KPNA3: variants seen among roughly 807,000 people sequenced by gnomAD.
KPNA3 encodes the protein importin subunit alpha-4.
In KPNA3, 13 loss-of-function variants were observed where a neutral mutation model predicts 73.8. That is an observed-to-expected ratio of 0.18 (90% confidence interval 0.11 to 0.28). KPNA3 has a LOEUF of 0.28. Ranked by LOEUF, KPNA3 falls within the 10% of genes least tolerant of loss-of-function variation. KPNA3 has a pLI of 1.00. For missense variants in KPNA3, 360 were observed against 618.1 expected, an observed-to-expected ratio of 0.58 and a Z score of 4.43; for synonymous variants, 186 against 206.9, an observed-to-expected ratio of 0.90 and a Z score of 0.87.
intron 1 of KPNA3, among the ~76,000 whole-genome samples, chr13:49,760,607 C>T (rs1002740775): frequency 6.6e-6 from 1 of 152,090 alleles, no homozygotes; most frequent in African/African-American, 2.4e-5. Flanking sequence ...CAGGTGTCAA[C>T]CTGACTGGAT....
chr13:49,765,762 T>C (rs1954803240), intron 1 of KPNA3, among the ~76,000 whole-genome samples: 1 of 152,240 alleles, frequency 6.6e-6, no homozygotes, highest in Non-Finnish European at 1.5e-5. Context: ...TTGAAAATGC[T>C]GACATAAAAT....
intron 2 of KPNA3, among the ~76,000 whole-genome samples, chr13:49,745,450 C>G (rs1954608759): frequency 6.6e-6 from 1 of 150,554 alleles, no homozygotes; most frequent in Non-Finnish European, 1.5e-5. Context: ...GCCCCTGCCT[C>G]CAGGGTTCAA....
chr13:49,755,234 T>G (rs1004694219), intron 1 of KPNA3, among the ~76,000 whole-genome samples: 1 of 152,130 alleles, frequency 6.6e-6, no homozygotes, highest in Non-Finnish European at 1.5e-5. Context: ...ACCATACTAA[T>G]AGACTAATGA....
intron 10 of KPNA3, among the ~76,000 whole-genome samples, chr13:49,714,324 C>T (rs774502390): frequency 5.3e-4 from 81 of 151,786 alleles, no homozygotes; most frequent in Non-Finnish European, 1.1e-3. Flanking sequence ...AGAAAAAGTC[C>T]TACCTAACTT....
At chr13:49,739,054 T>C (rs910036277) in intron 2 of KPNA3, among the ~76,000 whole-genome samples, 3 of 152,332 alleles carry the variant, frequency 2.0e-5, no homozygotes, top group Admixed American at 2.0e-4. Context: ...CATATTTTTC[T>C]TTTTTGGCTT....
chr13:49,711,495 C>T (rs1954260201), intron 10 of KPNA3, among the ~76,000 whole-genome samples: 1 of 152,122 alleles, frequency 6.6e-6, no homozygotes, highest in South Asian at 2.1e-4. Flanking sequence ...CTAAAGTAAA[C>T]CAATAAAAGA....
At chr13:49,741,458 T>C (rs1954573355) in intron 2 of KPNA3, among the ~76,000 whole-genome samples, 1 of 141,062 alleles carries the variant, frequency 7.1e-6, no homozygotes. Flanking sequence ...CTTTTGCCCT[T>C]TTTTTTTTTT....
At chr13:49,745,039 T>C (rs1378803948) in intron 2 of KPNA3, among the ~76,000 whole-genome samples, 1 of 152,192 alleles carries the variant, frequency 6.6e-6, no homozygotes, top group East Asian at 1.9e-4. Context: ...CCACAATTTG[T>C]AAGGATATAT....
Position 49,771,322 on chromosome 13 carries a change from T to G in KPNA3, c.69+21116A>C, listed in dbSNP as rs1468109810. On this transcript the variant is annotated intron_variant, in intron 1 of 16. Transcript: ENST00000261667. ...CCATTTACTTAGATCTTTCTTTCAA[T>G]GAAGTTGTAGTTTTCAGCATACAAG... 6.6e-5 allele frequency among the ~76,000 whole-genome samples: 10 copies of G among 152,192 alleles called. No homozygotes were observed. The South Asian group carries it at 1.4e-3, about 22-fold the overall frequency.
intron 1 of KPNA3, among the ~76,000 whole-genome samples, chr13:49,771,135 AGAAGAG>A (rs1954852015): frequency 6.7e-6 from 1 of 149,284 alleles, no homozygotes; most frequent in South Asian, 2.1e-4. Flanking sequence ...AAAAAAAAAA[AGAAGAG>A]GAAGAGAAAA....
intron 2 of KPNA3, among the ~76,000 whole-genome samples, chr13:49,737,585 G>A (rs534307952): frequency 6.7e-6 from 1 of 149,932 alleles, no homozygotes; most frequent in Non-Finnish European, 1.5e-5. Context: ...GTGTGTGTGT[G>A]TGTGTGTGTG....
intron 9 of KPNA3, among the ~76,000 whole-genome samples, chr13:49,720,715 G>A (rs867768675): frequency 7.8e-5 from 10 of 127,792 alleles, no homozygotes; most frequent in Middle Eastern, 5.4e-3. Context: ...CTGGGAAACA[G>A]AGCGAGACTG....
chr13:49,699,447 AAAT>A lies in KPNA3; in HGVS notation c.*2350_*2352del, dbSNP rs1954127801. ...GTCTTTTTAAACTGAGTTTAAAAAAAAATAACAATGCAATTTTTAAACACTGTT... is the reference window on the plus strand; with the variant it reads ...GTCTTTTTAAACTGAGTTTAAAAAAAAACAATGCAATTTTTAAACACTGTT... On this transcript the variant is annotated 3_prime_UTR_variant, in exon 17 of 17. Transcript: ENST00000261667. 6.6e-6 allele frequency: 1 copy of A among 152,640 alleles called. No individual in the cohort carries two copies. Among genetic ancestry groups the A allele is most frequent in the Non-Finnish European group, 1.5e-5 (1 of 68,040 alleles). The allele number at this position is 152,640 out of a possible 1,614,324, so 9.5% of individuals were successfully genotyped here.
chr13:49,711,967 G>C (rs1954263771), intron 10 of KPNA3, among the ~76,000 whole-genome samples: 1 of 152,134 alleles, frequency 6.6e-6, no homozygotes, highest in Non-Finnish European at 1.5e-5. Context: ...TTAAATTCTA[G>C]CTTTTGTCTG....
intron 1 of KPNA3, among the ~76,000 whole-genome samples, chr13:49,755,740 G>A (rs754959696): frequency 7.2e-5 from 11 of 152,100 alleles, no homozygotes; most frequent in South Asian, 2.1e-4. Flanking sequence ...GCAGTGAGCC[G>A]AGATCGTGCC....
intron 10 of KPNA3, among the ~76,000 whole-genome samples, chr13:49,716,912 C>T (rs1293093194): frequency 6.6e-6 from 1 of 152,076 alleles, no homozygotes; most frequent in Non-Finnish European, 1.5e-5. Context: ...CTGACGAATC[C>T]AAAATCTGTA....
intron 1 of KPNA3, among the ~76,000 whole-genome samples, chr13:49,787,121 G>A (rs1302819033): frequency 6.6e-6 from 1 of 152,214 alleles, no homozygotes; most frequent in African/African-American, 2.4e-5. Context: ...AGAGACAGAA[G>A]CAAGTCTGGT....
chr13:49,728,104 A>G (rs1156956083), intron 6 of KPNA3, among the ~76,000 whole-genome samples: 1 of 151,938 alleles, frequency 6.6e-6, no homozygotes, highest in Non-Finnish European at 1.5e-5. Context: ...GCGTGGTGGC[A>G]GGCACCTGTA....
chr13:49,733,097 GA>G, intron 2 of KPNA3, 51 bp from the exon 3 acceptor site: 2 of 1,120,584 alleles, frequency 1.8e-6, no homozygotes, highest in Admixed American at 1.9e-5. Context: ...TACTGTTAAT[GA>G]AAAATCCATT....
Sources: gnomAD v4.1 joint callset for allele counts (sites outside exome capture counted in the v4.1 genomes callset) on GRCh38, gnomAD v4.1.1 for gene constraint, MANE v1.5 for transcripts, NCBI Gene and HGNC (gene_info 2026-07-23, HGNC 2026-07-21) for gene names.